The following SIDT1 variants were observed in gnomAD, a reference collection of about 807,000 sequenced individuals.
SIDT1 encodes the protein SID1 transmembrane family member 1.
Under a neutral mutation model 107.5 loss-of-function variants are expected in SIDT1, and 101 were observed. The ratio of observed to expected loss-of-function variants is 0.94; its 90% CI spans 0.80 to 1.11. The LOEUF is 1.11. Ranked by LOEUF, SIDT1 falls within the 50% of genes least tolerant of loss-of-function variation. The probability of loss-of-function intolerance (pLI) is 0.00; values close to 1 mark genes in which losing one functional copy is unlikely to be tolerated. For missense variants in SIDT1, 1,076 were observed against 1,058.2 expected (o/e 1.02, Z -0.23); for synonymous variants, 395 against 398.2 (o/e 0.99, Z 0.10).
At chr3:113,562,635 A>C (rs1053830062) in intron 1 of SIDT1, among the ~76,000 whole-genome samples, 1 of 152,224 alleles carries the variant, frequency 6.6e-6, no homozygotes, top group African/African-American at 2.4e-5. Context: ...ACATTATTCC[A>C]TTTATTTGAA....
At chr3:113,541,111 AATATATAT>A (rs10534213) in intron 1 of SIDT1, among the ~76,000 whole-genome samples, 10 of 149,218 alleles carry the variant, frequency 6.7e-5, no homozygotes, top group African/African-American at 1.5e-4. Context: ...TCTTAGTTCT[AATATATAT>A]ATATATATAT....
chr3:113,545,155 T>C (rs1939447511), intron 1 of SIDT1, among the ~76,000 whole-genome samples: 1 of 142,108 alleles, frequency 7.0e-6, no homozygotes, highest in Non-Finnish European at 1.5e-5. Flanking sequence ...ATTCGTGAAG[T>C]AATAATACTT....
At chr3:113,545,780 C>A (rs1022796563) in intron 1 of SIDT1, among the ~76,000 whole-genome samples, 1 of 152,182 alleles carries the variant, frequency 6.6e-6, no homozygotes, top group Non-Finnish European at 1.5e-5. Flanking sequence ...AATAGTGAAA[C>A]AAATTATATC....
At chr3:113,580,972 A>G (rs1560068669) in intron 5 of SIDT1, among the ~76,000 whole-genome samples, 1 of 152,322 alleles carries the variant, frequency 6.6e-6, no homozygotes, top group South Asian at 2.1e-4. Context: ...AAGGATTGTA[A>G]CAAGGAACCA....
At chr3:113,540,852 T>A (rs1938749304) in intron 1 of SIDT1, among the ~76,000 whole-genome samples, 2 of 152,044 alleles carry the variant, frequency 1.3e-5, no homozygotes, top group African/African-American at 2.4e-5. Flanking sequence ...CCTATTTTTG[T>A]CTATTGTCTA....
chr3:113,604,757 A>G (rs73854500), intron 13 of SIDT1, among the ~76,000 whole-genome samples, 153 bp from the exon 14 acceptor site: 3,452 of 152,296 alleles, frequency 0.023, 128 homozygotes, highest in African/African-American at 0.08. Flanking sequence ...GGGAGAGGAC[A>G]ACTGGAGAAA....
At chr3:113,546,552 C>G (rs1939615693) in intron 1 of SIDT1, among the ~76,000 whole-genome samples, 1 of 152,012 alleles carries the variant, frequency 6.6e-6, no homozygotes, top group African/African-American at 2.4e-5. Context: ...TTGAGTTTGG[C>G]TTTTTGGTTG....
intron 10 of SIDT1, among the ~76,000 whole-genome samples, chr3:113,594,193 TTTTTAATGTTTGTCTTCC>T (rs1236651037): frequency 6.6e-6 from 1 of 152,210 alleles, no homozygotes; most frequent in Non-Finnish European, 1.5e-5. Context: ...TGCTTTTTTC[TTTTTAATGTTTGTCTTCC>T]TTAATGTCAG....
At chr3:113,569,152 A>G (rs1942216444) in intron 3 of SIDT1, among the ~76,000 whole-genome samples, 1 of 151,178 alleles carries the variant, frequency 6.6e-6, no homozygotes, top group African/African-American at 2.4e-5. Context: ...AAAAAAAAAA[A>G]AAAAAAAGGA....
In SIDT1 at chr3:113,601,855, C is replaced by T; in HGVS notation, c.1117+196C>T. On this transcript the variant is annotated intron_variant, in intron 11 of 24. Transcript: ENST00000264852. ...TCTAACTTTCTCCAGTTCTGTTGTTCTGTTTCTTGGATCTGCTAGCCCCAC... is the reference window on the plus strand; with the variant it reads ...TCTAACTTTCTCCAGTTCTGTTGTTTTGTTTCTTGGATCTGCTAGCCCCAC... The T allele has an allele frequency of 7.8e-6, 4 of 515,220 alleles. No individual in the cohort carries two copies. The South Asian group carries it at 1.1e-4, about 14-fold the overall frequency. 31.9% of individuals were successfully genotyped at this position (515,220 alleles called of 1,614,324 possible). A position where few individuals can be genotyped will look rare whatever the true frequency, so the allele number is the denominator to read the frequency against.
At chr3:113,588,533 G>A (rs1229401359) in intron 9 of SIDT1, among the ~76,000 whole-genome samples, 1 of 152,158 alleles carries the variant, frequency 6.6e-6, no homozygotes. Flanking sequence ...CATGGCCCTT[G>A]CCATCAGGGA....
chr3:113,608,128 G>A lies in SIDT1; in HGVS notation c.1513G>A (p.Val505Met), dbSNP rs1216723683. The part of the protein sequence containing the change: ...FNNILSNLGH[V>M]LLGFLFLLIV... The stretch of plus-strand genomic sequence containing the variant: ...CAACATTCTCAGCAATCTGGGCCAC[G>A]TGCTTCTGGGCTTCCTCTTCCTGCT... Residue 505 changes from valine to methionine, a missense_variant, in exon 16 of 25, where the codon GTG (valine) becomes ATG (methionine). Coordinates refer to ENST00000264852, the MANE Select transcript of SIDT1 (RefSeq NM_017699.3). 12 of 1,611,936 alleles carry A rather than the reference G, an allele frequency of 7.4e-6. No homozygotes were observed. In the South Asian group the frequency reaches 8.8e-5, roughly 12 times the overall value.
chr3:113,554,008 T>C (rs1199007651), intron 1 of SIDT1, among the ~76,000 whole-genome samples: 1 of 152,094 alleles, frequency 6.6e-6, no homozygotes, highest in Non-Finnish European at 1.5e-5. Context: ...GATCATGCCA[T>C]TGAACTCCAA....
At position 113,609,527 on chromosome 3, in the gene SIDT1, G is replaced by T. The variant is rs1576947269; in HGVS notation, c.1720+991G>T. On this transcript the variant is annotated intron_variant, in intron 17 of 24. Coordinates refer to ENST00000264852, the MANE Select transcript of SIDT1 (RefSeq NM_017699.3). ...CCTGAAGCAAAGGGGCTGAGACAGTGTGCATTTCTGAATTGAAAGCGGGTA... is the reference window on the plus strand; with the variant it reads ...CCTGAAGCAAAGGGGCTGAGACAGTTTGCATTTCTGAATTGAAAGCGGGTA... 3.9e-5 allele frequency among the ~76,000 whole-genome samples: 6 copies of T among 152,294 alleles called. 1 individual carries two copies. Among genetic ancestry groups the T allele is most frequent in the Admixed American group, 3.9e-4 (6 of 15,304 alleles).
intron 1 of SIDT1, among the ~76,000 whole-genome samples, chr3:113,538,704 T>C (rs1938468764): frequency 6.6e-6 from 1 of 152,230 alleles, no homozygotes; most frequent in South Asian, 2.1e-4. Flanking sequence ...CTCCAAGTAC[T>C]GTAAGATTTA....
intron 15 of SIDT1, 88 bp downstream of exon 15, chr3:113,607,202 A>G: frequency 1.1e-6 from 1 of 883,966 alleles, no homozygotes; most frequent in East Asian, 2.5e-5. Context: ...AATACTAAAA[A>G]CAACTGTGGA....
At chr3:113,539,102 G>GA (rs907083301) in intron 1 of SIDT1, among the ~76,000 whole-genome samples, 6 of 151,982 alleles carry the variant, frequency 3.9e-5, no homozygotes, top group Non-Finnish European at 8.8e-5. Context: ...CGTTTGTAAA[G>GA]AAAAAATGAA....
rs535993315 is a variant in SIDT1, at chr3:113,623,355, TG to T, written c.2091-67del. ...ACCTGCCCCTTCCCCCTCAAGGGAC[TG>T]GGGGATTGGAAAAGCCAATAGTGTT... On this transcript the variant is annotated intron_variant, in intron 21 of 24. Coordinates refer to ENST00000264852, the MANE Select transcript of SIDT1 (RefSeq NM_017699.3). 6.8e-4 allele frequency: 629 copies of T among 929,646 alleles called. 6 individuals are homozygous for T. The East Asian group carries it at 0.013, about 20-fold the overall frequency. The allele number at this position is 929,646 out of a possible 1,614,324, so 57.6% of individuals were successfully genotyped here.
At chr3:113,562,516 CAATGTAATATTATTTAGTAATAAA>C (rs1352131710) in intron 1 of SIDT1, among the ~76,000 whole-genome samples, 7 of 152,102 alleles carry the variant, frequency 4.6e-5, no homozygotes, top group African/African-American at 1.7e-4. Flanking sequence ...TATGTGCATG[CAATGTAATATTATTTAGTAATAAA>C]AAGGAATGAA....
Sources: gnomAD v4.1 joint callset for allele counts (sites outside exome capture counted in the v4.1 genomes callset) on GRCh38, gnomAD v4.1.1 for gene constraint, MANE v1.5 for transcripts, NCBI Gene and HGNC (gene_info 2026-07-23, HGNC 2026-07-21) for gene names.